The following POU6F2 variants were observed in gnomAD, a reference collection of about 807,000 sequenced individuals.
The protein encoded by POU6F2 is POU class 6 homeobox 2.
POU6F2 carries 31 observed loss-of-function variants against 71.3 expected under a neutral mutation model. The ratio of observed to expected loss-of-function variants is 0.43; its 90% CI spans 0.33 to 0.59. The LOEUF (loss-of-function observed/expected upper bound fraction) is 0.59. Ranked by LOEUF, POU6F2 falls within the 20% of genes least tolerant of loss-of-function variation. POU6F2 has a pLI of 0.04. For synonymous variants in POU6F2, 347 were observed against 355.7 expected, an observed-to-expected ratio of 0.98 and a Z score of 0.27; for missense variants, 783 against 856.8, an observed-to-expected ratio of 0.91 and a Z score of 1.07.
chr7:39,236,408 T>C (rs940288850), intron 4 of POU6F2, among the ~76,000 whole-genome samples: 10 of 152,166 alleles, frequency 6.6e-5, no homozygotes, highest in Non-Finnish European at 1.5e-4. Flanking sequence ...GCCTTCAGAT[T>C]GTGTTTGCAT....
chr7:39,030,099 T>G (rs1427208672), intron 1 of POU6F2, among the ~76,000 whole-genome samples: 2 of 152,102 alleles, frequency 1.3e-5, no homozygotes, highest in East Asian at 3.9e-4. Context: ...AAAATTAAAA[T>G]TACTTTTTGA....
At chr7:39,259,623 G>A (rs1317931555) in intron 4 of POU6F2, among the ~76,000 whole-genome samples, 5 of 152,096 alleles carry the variant, frequency 3.3e-5, no homozygotes, top group Admixed American at 3.3e-4. Flanking sequence ...GACACACAGG[G>A]AGCCTGGGCC....
At chr7:39,077,956 G>A (rs1791032591) in intron 1 of POU6F2, among the ~76,000 whole-genome samples, 1 of 152,142 alleles carries the variant, frequency 6.6e-6, no homozygotes, top group Non-Finnish European at 1.5e-5. Context: ...CCGGTGCAGT[G>A]GGTTGTGTTG....
chr7:39,085,424 A>G (rs2128720773), intron 1 of POU6F2, among the ~76,000 whole-genome samples: 1 of 152,162 alleles, frequency 6.6e-6, no homozygotes, highest in South Asian at 2.1e-4. Context: ...TGGTTCCTCC[A>G]TAGGGTGCTC....
At chr7:39,265,639 C>T (rs1300011794) in intron 4 of POU6F2, among the ~76,000 whole-genome samples, 3 of 152,228 alleles carry the variant, frequency 2.0e-5, no homozygotes, top group Middle Eastern at 3.4e-3. Flanking sequence ...AACCTGGTAC[C>T]GCCAGAGCTG....
At chr7:39,055,751 T>C (rs940853027) in intron 1 of POU6F2, among the ~76,000 whole-genome samples, 4 of 152,212 alleles carry the variant, frequency 2.6e-5, no homozygotes, top group African/African-American at 9.6e-5. Context: ...CTGAAAATAG[T>C]AGATTCCTTC....
intron 2 of POU6F2, among the ~76,000 whole-genome samples, chr7:39,191,978 A>C (rs1277657743): frequency 1.3e-5 from 2 of 152,196 alleles, no homozygotes; most frequent in Non-Finnish European, 2.9e-5. Flanking sequence ...GAGTTTTCAT[A>C]TTCTAGATCT....
intron 2 of POU6F2, among the ~76,000 whole-genome samples, chr7:39,187,949 C>G (rs1793580106): frequency 6.6e-6 from 1 of 152,138 alleles, no homozygotes; most frequent in Non-Finnish European, 1.5e-5. Context: ...TAAAGTGTCG[C>G]CTTGTTAGAA....
intron 1 of POU6F2, among the ~76,000 whole-genome samples, chr7:39,010,489 A>G (rs1476309041): frequency 6.6e-6 from 1 of 151,302 alleles, no homozygotes; most frequent in Admixed American, 6.6e-5. Context: ...TGGATTCATT[A>G]ATTTTTTGAA....
intron 1 of POU6F2, among the ~76,000 whole-genome samples, chr7:38,985,823 A>G (rs17171507): frequency 0.14 from 20,546 of 152,058 alleles, 1,450 homozygotes; most frequent in African/African-American, 0.18. Flanking sequence ...TGTTTGTAGT[A>G]ATATTCAGAA....
At chr7:39,389,799 T>C (rs1458351586) in intron 5 of POU6F2, among the ~76,000 whole-genome samples, 1 of 152,142 alleles carries the variant, frequency 6.6e-6, no homozygotes, top group Non-Finnish European at 1.5e-5. Flanking sequence ...TAATGAAAAG[T>C]ATTACTCCCA....
chr7:39,421,138 A>T (rs1016616664), intron 6 of POU6F2, among the ~76,000 whole-genome samples: 12 of 152,148 alleles, frequency 7.9e-5, no homozygotes, highest in African/African-American at 2.9e-4. Context: ...GAAAATGGGG[A>T]TGCAATTTTA....
intron 7 of POU6F2, among the ~76,000 whole-genome samples, chr7:39,438,129 T>C (rs534034658): frequency 1.3e-5 from 2 of 152,240 alleles, no homozygotes; most frequent in South Asian, 4.2e-4. Flanking sequence ...CGGTGTGTGA[T>C]GTTCCCCTTC....
rs1375591681 is a variant in POU6F2 at position 39,403,545 on chromosome 7, T to C, written c.973-3055T>C. Among the ~76,000 whole-genome samples, 4 of 152,240 alleles carry C rather than the reference T, an allele frequency of 2.6e-5. No homozygotes were observed. In the East Asian group the frequency reaches 7.7e-4, roughly 29 times the overall value. ...TAAACTTGGCAGCAGCTTCAAAATA[T>C]CCAGTTGGTCCCGGAACAATAACAT... is the stretch of plus-strand genomic sequence containing the variant. On this transcript the variant is annotated intron_variant, in intron 5 of 9. Transcript: ENST00000518318.
chr7:39,378,389 C>T (rs367848218), intron 5 of POU6F2, among the ~76,000 whole-genome samples: 4 of 152,296 alleles, frequency 2.6e-5, no homozygotes, highest in Non-Finnish European at 4.4e-5. Flanking sequence ...CCTCCAATCC[C>T]GTCTACAGAC....
chr7:39,320,150 G>C (rs79585386), intron 4 of POU6F2, among the ~76,000 whole-genome samples: 1 of 152,164 alleles, frequency 6.6e-6, no homozygotes, highest in Non-Finnish European at 1.5e-5. Flanking sequence ...AGGTCCAGAG[G>C]CTAGATAAGA....
intron 1 of POU6F2, among the ~76,000 whole-genome samples, chr7:39,016,021 TA>T (rs1266215806): frequency 0.11 from 9,621 of 88,094 alleles, 2,187 homozygotes; most frequent in Non-Finnish European, 0.15. Context: ...ATATTATATA[TA>T]TTATATATAG....
intron 4 of POU6F2, among the ~76,000 whole-genome samples, chr7:39,211,759 C>T (rs140854641): frequency 2.3e-4 from 35 of 152,294 alleles, no homozygotes; most frequent in African/African-American, 6.7e-4. Flanking sequence ...CACAAGGCTG[C>T]AGGCTGTATC....
chr7:38,989,924 A>G (rs775769398), intron 1 of POU6F2, among the ~76,000 whole-genome samples: 1 of 152,088 alleles, frequency 6.6e-6, no homozygotes, highest in Non-Finnish European at 1.5e-5. Context: ...AGTCTGAACT[A>G]TTTGAGATTC....
Sources: gnomAD v4.1 joint callset for allele counts (sites outside exome capture counted in the v4.1 genomes callset) on GRCh38, gnomAD v4.1.1 for gene constraint, MANE v1.5 for transcripts, NCBI Gene and HGNC (gene_info 2026-07-23, HGNC 2026-07-21) for gene names.